The following NCOA6 variants were observed in gnomAD, a reference collection of about 807,000 sequenced individuals.
The protein encoded by NCOA6 is NRC RAP250.
NCOA6 carries 49 observed loss-of-function variants against 171.4 expected under a neutral mutation model. The ratio of observed to expected loss-of-function variants is 0.29; its 90% CI spans 0.23 to 0.36. The LOEUF (loss-of-function observed/expected upper bound fraction) is 0.36. NCOA6 is among the 10% of genes least tolerant of loss of function. The probability of loss-of-function intolerance (pLI) is 1.00; values close to 1 mark genes in which losing one functional copy is unlikely to be tolerated. For synonymous variants in NCOA6, 910 were observed against 927.5 expected, an observed-to-expected ratio of 0.98 and a Z score of 0.34; for missense variants, 2,248 against 2,554.5, an observed-to-expected ratio of 0.88 and a Z score of 2.59.
Position 34,742,144 on chromosome 20 carries a change from G to C in NCOA6, c.4112C>G (p.Pro1371Arg). The part of the protein sequence containing the change: ...NAALLQNVEL[P>R]RNVLVSPTPL... ...AGTGGGACTGACCAATACATTTCTC[G>C]GCAACTCCACATTCTGCAATAGGGC... The change falls in exon 11 of 15, where the codon CCG (proline) becomes CGG (arginine). Residue 1371 changes from proline to arginine, a missense_variant. Physicochemically the swap from Pro to Arg is moderately radical, Grantham distance 103. Transcript: ENST00000359003. 1 of 1,614,122 alleles carries C rather than the reference G, an allele frequency of 6.2e-7. No homozygotes were observed. Among genetic ancestry groups the C allele is most frequent in the Non-Finnish European group, 8.5e-7 (1 of 1,180,024 alleles).
At chr20:34,722,683 TGAA>T (rs1227725867) in intron 14 of NCOA6, among the ~76,000 whole-genome samples, 1 of 84,812 alleles carries the variant, frequency 1.2e-5, no homozygotes, top group African/African-American at 5.8e-5. Flanking sequence ...CTGTCTCAAA[TGAA>T]AAAAAAAAAA....
At chr20:34,788,412 T>C (rs1262860436) in intron 2 of NCOA6, among the ~76,000 whole-genome samples, 3 of 152,152 alleles carry the variant, frequency 2.0e-5, no homozygotes, top group Admixed American at 2.0e-4. Flanking sequence ...ATGCAGAAAT[T>C]GCTAGCAGAA....
chr20:34,770,143 G>C lies in NCOA6; in HGVS notation c.392-1557C>G, dbSNP rs138556529. 1.6e-4 allele frequency among the ~76,000 whole-genome samples: 24 copies of C among 151,898 alleles called. 1 individual carries two copies. In the East Asian group the frequency reaches 4.6e-3, roughly 29 times the overall value. ...CCATCTCCACCTCCCAGGTTCAAGC[G>C]ATTCTCCTGCCTCAGCCTCCCGAGT... On this transcript the variant is annotated intron_variant, in intron 4 of 14. Transcript: ENST00000359003.
At chr20:34,736,514 T>G (rs759159018) in intron 12 of NCOA6, among the ~76,000 whole-genome samples, 176 bp downstream of exon 12, 1 of 152,014 alleles carries the variant, frequency 6.6e-6, no homozygotes, top group African/African-American at 2.4e-5. Flanking sequence ...GGGGGGAAAA[T>G]AATCTCAAGT....
Position 34,757,865 on chromosome 20 carries a change from G to C in NCOA6, c.883C>G (p.Gln295Glu). The part of the protein sequence containing the change: ...QLQARPPQQH[Q>E]QQQPQGIRPQ... ...CGAATTCCCTGTGGCTGTTGCTGCT[G>C]ATGTTGCTGTGGGGGTCTTGCCTGC... The change falls in exon 7 of 15, where the codon CAG (glutamine) becomes GAG (glutamate). Residue 295 changes from glutamine to glutamate, a missense_variant. Gln to Glu is a conservative substitution (Grantham distance 29). Coordinates refer to ENST00000359003, the MANE Select transcript of NCOA6 (RefSeq NM_014071.5). 1 of 1,614,154 alleles carries C rather than the reference G, an allele frequency of 6.2e-7. No homozygotes were observed. Among genetic ancestry groups the C allele is most frequent in the Non-Finnish European group, 8.5e-7 (1 of 1,180,042 alleles).
chr20:34,769,341 C>T (rs944221226), intron 4 of NCOA6, among the ~76,000 whole-genome samples: 2 of 151,890 alleles, frequency 1.3e-5, no homozygotes, highest in East Asian at 3.9e-4. Flanking sequence ...CACAGGCGCA[C>T]ATCACTATGT....
chr20:34,763,144 T>TA (rs1203048802), intron 5 of NCOA6, among the ~76,000 whole-genome samples: 3 of 152,226 alleles, frequency 2.0e-5, no homozygotes, highest in Non-Finnish European at 4.4e-5. Flanking sequence ...TCTGAGGACT[T>TA]ACGTCTTTCA....
In NCOA6 at chr20:34,749,735, A is replaced by G. The variant is rs2076411221; in HGVS notation, c.2460T>C (p.Asp820=). The part of the protein sequence containing the change: ...NDVSLSQMMP[D]VSIQQTNMVP... Reference sequence around the variant, plus strand: ...CCATGTTGGTTTGTTGAATGCTAACATCAGGCATCATCTGAGATAAACTGA... The same window carrying G: ...CCATGTTGGTTTGTTGAATGCTAACGTCAGGCATCATCTGAGATAAACTGA... Residue 820 remains aspartate, a synonymous_variant, in exon 9 of 15, where the codon GAT becomes GAC. Coordinates refer to ENST00000359003, the MANE Select transcript of NCOA6 (RefSeq NM_014071.5). 1 of 1,614,116 alleles carries G rather than the reference A, an allele frequency of 6.2e-7. No homozygotes were observed. The highest frequency in any genetic ancestry group is 1.7e-5 in the Admixed American group (1 of 60,004).
intron 1 of NCOA6, among the ~76,000 whole-genome samples, chr20:34,815,346 C>T (rs906975745): frequency 6.6e-6 from 1 of 151,886 alleles, no homozygotes; most frequent in Non-Finnish European, 1.5e-5. Flanking sequence ...CACTGCACTC[C>T]AGCCTGGGTG....
intron 1 of NCOA6, among the ~76,000 whole-genome samples, chr20:34,801,527 A>G (rs1293902392): frequency 6.6e-6 from 1 of 152,232 alleles, no homozygotes; most frequent in African/African-American, 2.4e-5. Context: ...CTGATACTTC[A>G]GAAATTCAAA....
chr20:34,796,804 G>C (rs1397017469), intron 1 of NCOA6, among the ~76,000 whole-genome samples: 1 of 150,160 alleles, frequency 6.7e-6, no homozygotes, highest in Non-Finnish European at 1.5e-5. Context: ...GGGCAAAAAA[G>C]CTAGCATCCC....
rs1435742794 is a variant in NCOA6, at chr20:34,732,609, T to C, written c.5963-14A>G. 2.5e-6 allele frequency: 4 copies of C among 1,611,582 alleles called. No individual in the cohort carries two copies. Among genetic ancestry groups the C allele is most frequent in the Non-Finnish European group, 3.4e-6 (4 of 1,178,132 alleles). The stretch of plus-strand genomic sequence containing the variant: ...TTACCTCCAGCTCTGCAAAAAAATA[T>C]AAAGGATAGAAATGAAATGTGGGAG... On this transcript the variant is annotated splice_polypyrimidine_tract_variant and intron_variant, in intron 12 of 14. Coordinates refer to ENST00000359003, the MANE Select transcript of NCOA6 (RefSeq NM_014071.5).
At chr20:34,804,764 T>C (rs961527817) in intron 1 of NCOA6, among the ~76,000 whole-genome samples, 1 of 152,142 alleles carries the variant, frequency 6.6e-6, no homozygotes, top group Non-Finnish European at 1.5e-5. Context: ...TTTTGATACA[T>C]GTATACAATG....
At chr20:34,789,584 G>A (rs965465555) in intron 2 of NCOA6, among the ~76,000 whole-genome samples, 3 of 151,866 alleles carry the variant, frequency 2.0e-5, no homozygotes, top group Non-Finnish European at 4.4e-5. Context: ...ACCAGCCTGG[G>A]GAACATGGTG....
In NCOA6 at chr20:34,757,368, A is replaced by AT; in HGVS notation, c.1379dup (p.Asn460LysfsTer2). 1 of 1,614,116 alleles carries AT rather than the reference A, an allele frequency of 6.2e-7. No individual in the cohort carries two copies. Among genetic ancestry groups the AT allele is most frequent in the Non-Finnish European group, 8.5e-7 (1 of 1,180,014 alleles). On this transcript the variant is annotated frameshift_variant, in exon 7 of 15. Transcript: ENST00000359003. LOFTEE classifies it high-confidence loss of function. ...GCTGAAATCCCTGGGGAAGTGGGTT[A>AT]TTTTGAGGTGGCCTTGGTCCCATCT... is the stretch of plus-strand genomic sequence containing the variant.
At chr20:34,785,930 T>C (rs1292475528) in intron 2 of NCOA6, among the ~76,000 whole-genome samples, 2 of 151,524 alleles carry the variant, frequency 1.3e-5, no homozygotes, top group Non-Finnish European at 1.5e-5. Flanking sequence ...GAAAAATTGC[T>C]GGCTTTCCCT....
rs760455129 is a variant in NCOA6, at chr20:34,740,617, G to T, written c.5639C>A (p.Thr1880Lys). The change falls in exon 11 of 15, where the codon ACG becomes AAG. Residue 1880 changes from threonine (T) to lysine (K), a missense_variant. Transcript: ENST00000359003. ...TTTTAGCAGAGTGGGTGCTGGGGGC[G>T]TTGGGGTTTTACTGTCCAGCTCTGT... ...LSTELDSKTPTPPAPTLLKMT... is the reference protein window; with the variant it reads ...LSTELDSKTPKPPAPTLLKMT... 1.2e-6 allele frequency: 2 copies of T among 1,614,180 alleles called. No individual in the cohort carries two copies. Among genetic ancestry groups the T allele is most frequent in the Non-Finnish European group, 8.5e-7 (1 of 1,180,034 alleles).
At chr20:34,736,252 T>C (rs895211403) in intron 12 of NCOA6, among the ~76,000 whole-genome samples, 2 of 152,130 alleles carry the variant, frequency 1.3e-5, no homozygotes, top group Non-Finnish European at 2.9e-5. Context: ...GGCTATCACA[T>C]TGTGGCAGAG....
intron 1 of NCOA6, among the ~76,000 whole-genome samples, chr20:34,805,310 T>G (rs2078410897): frequency 1.3e-5 from 2 of 152,312 alleles, no homozygotes; most frequent in East Asian, 3.9e-4. Context: ...CTCAAAGTGC[T>G]AGGATTACAG....
Sources: allele counts gnomAD v4.1 joint callset (sites outside exome capture counted in the v4.1 genomes callset), GRCh38; gene constraint gnomAD v4.1.1; transcripts MANE v1.5; gene names NCBI Gene and HGNC (gene_info 2026-07-23, HGNC 2026-07-21).